Variants in SCAI observed in about 807,000 individuals in gnomAD.
SCAI encodes protein SCAI.
Under a neutral mutation model 92.2 loss-of-function variants are expected in SCAI, and 24 were observed. That is an observed-to-expected ratio of 0.26 (90% confidence interval 0.19 to 0.37). The LOEUF is 0.37. Ranked by LOEUF, SCAI falls within the 10% of genes least tolerant of loss-of-function variation. The pLI, the probability that SCAI is intolerant of heterozygous loss-of-function variation, is 1.00. For missense variants in SCAI, 450 were observed against 736.2 expected (o/e 0.61, Z 4.50); for synonymous variants, 261 against 258.6 (o/e 1.01, Z -0.09).
intron 3 of SCAI, among the ~76,000 whole-genome samples, chr9:125,046,704 TA>T (rs11453000): frequency 1.8e-3 from 258 of 144,562 alleles, no homozygotes; most frequent in African/African-American, 5.8e-3. Context: ...TACTGAAATT[TA>T]AAAAAAAAAA....
intron 2 of SCAI, among the ~76,000 whole-genome samples, chr9:125,116,086 G>A (rs1196519744): frequency 6.6e-6 from 1 of 152,156 alleles, no homozygotes; most frequent in Non-Finnish European, 1.5e-5. Flanking sequence ...TCAGGAGGCT[G>A]AGGCAGGAGA....
chr9:124,942,892 C>CCTACTGAA lies in SCAI; in HGVS notation c.*9907_*9914dup, dbSNP rs2131555968. 6.6e-6 allele frequency: 1 copy of CCTACTGAA among 152,304 alleles called. No individual in the cohort carries two copies. Among genetic ancestry groups the CCTACTGAA allele is most frequent in the South Asian group, 2.1e-4 (1 of 4,826 alleles). The allele number at this position is 152,304 out of a possible 1,614,324, so 9.4% of individuals were successfully genotyped here. On this transcript the variant is annotated 3_prime_UTR_variant, in exon 18 of 18. Transcript: ENST00000336505. ...TATAGCAGGAGAAAACATTGGAAAG[C>CCTACTGAA]CTACTGAATCCGCTCTGCAGAATCA... is the stretch of plus-strand genomic sequence containing the variant.
At chr9:125,031,776 G>C (rs1349582557) in intron 3 of SCAI, among the ~76,000 whole-genome samples, 1 of 151,990 alleles carries the variant, frequency 6.6e-6, no homozygotes, top group Non-Finnish European at 1.5e-5. Context: ...TTGTTTTTGT[G>C]AAAGGTATCT....
At chr9:125,029,877 A>G (rs151226937) in intron 3 of SCAI, 138 bp from the exon 4 acceptor site, 226 of 496,944 alleles carry the variant, frequency 4.5e-4, no homozygotes, top group African/African-American at 4.2e-3. Flanking sequence ...CACTTTTTGG[A>G]GCAGAAATAA....
chr9:125,038,774 A>G (rs1301648594), intron 3 of SCAI, among the ~76,000 whole-genome samples: 1 of 152,246 alleles, frequency 6.6e-6, no homozygotes, highest in Non-Finnish European at 1.5e-5. Flanking sequence ...CTGCAGTCAC[A>G]TCACCCTGAG....
chr9:125,070,554 AAACCC>A (rs1833962532), intron 2 of SCAI, among the ~76,000 whole-genome samples: 1 of 151,992 alleles, frequency 6.6e-6, no homozygotes, highest in African/African-American at 2.4e-5. Flanking sequence ...ACCTGCCACC[AAACCC>A]AACTAGTTTT....
chr9:125,042,067 T>C lies in SCAI; in HGVS notation c.231-12328A>G, dbSNP rs1833326685. On this transcript the variant is annotated intron_variant, in intron 3 of 17. Transcript: ENST00000336505. ...TGGTCATTATTACTGTCAGCAAAGA[T>C]GGGAAATTAATGGTCCATAGAATTA... 2.0e-5 allele frequency among the ~76,000 whole-genome samples: 3 copies of C among 152,202 alleles called. No individual in the cohort carries two copies. In the South Asian group the frequency reaches 6.2e-4, roughly 31 times the overall value.
chr9:125,023,864 C>T (rs1227971448), intron 6 of SCAI, among the ~76,000 whole-genome samples: 1 of 151,954 alleles, frequency 6.6e-6, no homozygotes, highest in Non-Finnish European at 1.5e-5. Flanking sequence ...CAGTGCTGTC[C>T]ACTCATACAT....
chr9:125,099,695 T>G (rs929614141), intron 2 of SCAI, among the ~76,000 whole-genome samples: 1 of 152,198 alleles, frequency 6.6e-6, no homozygotes, highest in East Asian at 1.9e-4. Flanking sequence ...GTAATGAATA[T>G]GAGGAAATCA....
In SCAI at chr9:124,944,519, G is replaced by C. The variant is rs182283227; in HGVS notation, c.*8288C>G. The C allele has an allele frequency of 8.6e-6, 1 of 115,936 alleles. No homozygotes were observed. The highest frequency in any genetic ancestry group is 2.5e-4 in the East Asian group (1 of 4,010). 7.2% of individuals were successfully genotyped at this position (115,936 alleles called of 1,614,324 possible). On this transcript the variant is annotated 3_prime_UTR_variant, in exon 18 of 18. Coordinates refer to ENST00000336505, the MANE Select transcript of SCAI (RefSeq NM_001144877.3). ...ATTTTAGTAGCGACAGGGTTTCACT[G>C]TATTGCCCAGACTGGTCTCCAACTC...
At chr9:125,067,067 C>A (rs1027239368) in intron 2 of SCAI, among the ~76,000 whole-genome samples, 1 of 151,938 alleles carries the variant, frequency 6.6e-6, no homozygotes, top group African/African-American at 2.4e-5. Flanking sequence ...TTAAGCAACA[C>A]GACTGTATAT....
At chr9:124,998,245 G>T (rs1285222997) in intron 13 of SCAI, among the ~76,000 whole-genome samples, 1 of 152,126 alleles carries the variant, frequency 6.6e-6, no homozygotes, top group Non-Finnish European at 1.5e-5. Context: ...CTAAGGTCAG[G>T]AGTTCGAGAC....
intron 2 of SCAI, among the ~76,000 whole-genome samples, chr9:125,138,991 GA>G (rs906222933): frequency 6.6e-6 from 1 of 152,186 alleles, no homozygotes; most frequent in Non-Finnish European, 1.5e-5. Context: ...TACAGGCCAT[GA>G]TGGGACCCAA....
intron 2 of SCAI, among the ~76,000 whole-genome samples, chr9:125,097,737 C>A (rs1196277469): frequency 6.6e-6 from 1 of 151,488 alleles, no homozygotes; most frequent in Non-Finnish European, 1.5e-5. Flanking sequence ...TTGTTACTGG[C>A]AAAATGCATT....
intron 6 of SCAI, among the ~76,000 whole-genome samples, chr9:125,021,313 T>A (rs1361393556): frequency 2.0e-5 from 3 of 152,200 alleles, no homozygotes; most frequent in Non-Finnish European, 4.4e-5. Flanking sequence ...ACATTTAATG[T>A]CATTATTGCT....
intron 3 of SCAI, among the ~76,000 whole-genome samples, chr9:125,041,418 T>G (rs1243526079): frequency 6.6e-6 from 1 of 152,194 alleles, no homozygotes; most frequent in African/African-American, 2.4e-5. Context: ...AACACCAACT[T>G]TGTGACAACT....
At chr9:124,996,638 T>A (rs969579361) in intron 13 of SCAI, among the ~76,000 whole-genome samples, 5 of 151,496 alleles carry the variant, frequency 3.3e-5, no homozygotes, top group Non-Finnish European at 2.9e-5. Context: ...TTTTTTTATT[T>A]ATTTATTTTG....
At position 125,087,460 on chromosome 9, in the gene SCAI, C is replaced by T. The variant is rs1464324842; in HGVS notation, c.99-31453G>A. On this transcript the variant is annotated intron_variant, in intron 2 of 17. Transcript: ENST00000336505. ...AGTAACTAGTCCCCAGAGGCCATTG[C>T]TATAGCAAATATAACAAAGCCTGAA... 2.6e-5 allele frequency among the ~76,000 whole-genome samples: 4 copies of T among 152,096 alleles called. No individual in the cohort carries two copies. In the South Asian group the frequency reaches 6.2e-4, roughly 24 times the overall value.
chr9:125,044,373 A>G (rs1833392911), intron 3 of SCAI, among the ~76,000 whole-genome samples: 1 of 152,100 alleles, frequency 6.6e-6, no homozygotes, highest in Non-Finnish European at 1.5e-5. Context: ...GTGGGATGAC[A>G]TGCCTACAGA....
Sources: gnomAD v4.1 joint callset for allele counts (sites outside exome capture counted in the v4.1 genomes callset) on GRCh38, gnomAD v4.1.1 for gene constraint, MANE v1.5 for transcripts, NCBI Gene and HGNC (gene_info 2026-07-23, HGNC 2026-07-21) for gene names.